KCNMA1: variants seen among roughly 807,000 people sequenced by gnomAD.
The protein encoded by KCNMA1 is potassium calcium-activated channel subfamily M alpha 1, also known as Calcium-activated potassium channel subunit alpha-1.
KCNMA1 carries 29 observed loss-of-function variants against 140.0 expected under a neutral mutation model. The observed-to-expected ratio is 0.21, with a 90% CI of 0.15 to 0.28. The LOEUF (loss-of-function observed/expected upper bound fraction) is 0.28, where lower values mean the gene tolerates loss of function less well. KCNMA1 is among the 10% of genes least tolerant of loss of function. The pLI is 1.00. For missense variants in KCNMA1, 880 were observed against 1,602.2 expected (o/e 0.55, Z 7.70); for synonymous variants, 612 against 611.9 (o/e 1.00, Z 0.00).
At chr10:77,208,658 A>G (rs897430391) in intron 3 of KCNMA1, among the ~76,000 whole-genome samples, 2 of 152,208 alleles carry the variant, frequency 1.3e-5, no homozygotes, top group Non-Finnish European at 2.9e-5. Flanking sequence ...GGGATTCCAT[A>G]GACAAACATA....
intron 18 of KCNMA1, among the ~76,000 whole-genome samples, chr10:77,003,629 T>A (rs773987790): frequency 4.6e-5 from 7 of 152,208 alleles, no homozygotes; most frequent in Non-Finnish European, 7.3e-5. Flanking sequence ...ACAATTTTTT[T>A]AATCAAATGC....
chr10:76,874,347 A>G (rs2031964884), downstream of KCNMA1: 1 of 152,220 alleles, frequency 6.6e-6, no homozygotes, highest in South Asian at 2.1e-4. Context: ...GCATGGGCTT[A>G]GCCAAGGAGA....
intron 2 of KCNMA1, among the ~76,000 whole-genome samples, chr10:77,283,885 A>G (rs1207512322): frequency 2.6e-5 from 4 of 152,210 alleles, no homozygotes; most frequent in African/African-American, 9.6e-5. Context: ...AGAGCTGCTC[A>G]CAAAAGATCA....
chr10:77,216,118 T>A (rs2047698448), intron 3 of KCNMA1, among the ~76,000 whole-genome samples: 1 of 152,166 alleles, frequency 6.6e-6, no homozygotes. Context: ...TTATATGAAA[T>A]GTCTAGAACA....
chr10:76,893,041 T>C (rs1314665289), intron 25 of KCNMA1, among the ~76,000 whole-genome samples: 1 of 152,180 alleles, frequency 6.6e-6, no homozygotes. Context: ...AAAGGATACT[T>C]AAAGTAGGAT....
At chr10:77,331,826 T>C (rs566913413) in intron 2 of KCNMA1, among the ~76,000 whole-genome samples, 2 of 151,858 alleles carry the variant, frequency 1.3e-5, no homozygotes, top group Non-Finnish European at 2.9e-5. Flanking sequence ...AATATATGTA[T>C]ATATATATAA....
At chr10:77,018,904 G>T in intron 17 of KCNMA1, 109 bp downstream of exon 17, 1 of 723,818 alleles carries the variant, frequency 1.4e-6, no homozygotes, top group Non-Finnish European at 2.6e-6. Flanking sequence ...CCAGTTGATG[G>T]CCATAGACAT....
chr10:77,121,192 T>G, intron 5 of KCNMA1, 144 bp from the exon 6 acceptor site: 2 of 675,520 alleles, frequency 3.0e-6, no homozygotes, highest in Non-Finnish European at 2.7e-6. Context: ...CTCAGACATA[T>G]TCCTTCATTC....
At chr10:77,481,328 G>T (rs2098392969) in intron 1 of KCNMA1, among the ~76,000 whole-genome samples, 1 of 152,032 alleles carries the variant, frequency 6.6e-6, no homozygotes, top group Non-Finnish European at 1.5e-5. Flanking sequence ...TTGATGGACT[G>T]GTCAGTTGAT....
intron 18 of KCNMA1, chr10:77,008,188 A>G (rs1219015147): frequency 1.3e-6 from 2 of 1,535,214 alleles, no homozygotes; most frequent in Non-Finnish European, 1.7e-6. Context: ...TACTCACAAT[A>G]TATCACTACC....
chr10:77,073,250 G>T lies in KCNMA1; in HGVS notation c.1596C>A (p.Ala532=). The T allele has an allele frequency of 6.2e-7, 1 of 1,614,084 alleles. No homozygotes were observed. The highest frequency in any genetic ancestry group is 8.5e-7 in the Non-Finnish European group (1 of 1,179,960). Residue 532 remains alanine, a splice_region_variant and synonymous_variant, in exon 14 of 28, where the codon GCC becomes GCA. Transcript: ENST00000286628. ...TCCAGCTCGGGATGTTTAGCAGATG[G>T]GCCTGGGGAAAGAAAAGCAGGTATG... The part of the protein sequence containing the change: ...ITQMLQYHNK[A]HLLNIPSWNW...
At chr10:77,103,278 G>A (rs2097136682) in intron 9 of KCNMA1, among the ~76,000 whole-genome samples, 1 of 152,220 alleles carries the variant, frequency 6.6e-6, no homozygotes, top group Non-Finnish European at 1.5e-5. Flanking sequence ...CCACATCCGA[G>A]GTTGAAGGCA....
chr10:77,537,417 C>T (rs1198540067), intron 1 of KCNMA1, among the ~76,000 whole-genome samples: 2 of 152,186 alleles, frequency 1.3e-5, no homozygotes, highest in Non-Finnish European at 2.9e-5. Flanking sequence ...TTGCCCCCAC[C>T]CAGGGCCCAC....
chr10:77,560,240 C>G (rs1175123912), intron 1 of KCNMA1, among the ~76,000 whole-genome samples: 1 of 152,134 alleles, frequency 6.6e-6, no homozygotes, highest in East Asian at 1.9e-4. Context: ...CAGCAGGTCA[C>G]AGAATCAACT....
intron 1 of KCNMA1, among the ~76,000 whole-genome samples, chr10:77,530,336 T>C (rs2057297415): frequency 6.6e-6 from 1 of 152,234 alleles, no homozygotes; most frequent in Non-Finnish European, 1.5e-5. Flanking sequence ...CTTGTGTGGC[T>C]TTGAGTAAGT....
intron 20 of KCNMA1, among the ~76,000 whole-genome samples, chr10:76,968,469 T>C (rs576266580): frequency 1.3e-5 from 2 of 152,340 alleles, no homozygotes; most frequent in South Asian, 4.1e-4. Flanking sequence ...AGGTTTCAGA[T>C]TTTTCAGACT....
At chr10:77,352,650 T>TTG (rs1353470255) in intron 2 of KCNMA1, among the ~76,000 whole-genome samples, 2 of 137,066 alleles carry the variant, frequency 1.5e-5, no homozygotes, top group Non-Finnish European at 1.7e-5. Context: ...GTGTGTGTGT[T>TTG]TGTGTGTGTG....
intron 2 of KCNMA1, among the ~76,000 whole-genome samples, chr10:77,292,618 T>A (rs1348527106): frequency 6.6e-6 from 1 of 152,176 alleles, no homozygotes; most frequent in Non-Finnish European, 1.5e-5. Flanking sequence ...TGATACCACC[T>A]CCTCTTTTTG....
In KCNMA1 at chr10:76,951,979, T is replaced by A. The variant is rs1399141742; in HGVS notation, c.2484+1822A>T. On this transcript the variant is annotated intron_variant, in intron 21 of 27. Transcript: ENST00000286628. ...AATGGTGTGTGGCACATAGTAGGCC[T>A]CCTGGAGATGTTTTGTTAAATGATG... 43 of 1,494,050 alleles carry A rather than the reference T, an allele frequency of 2.9e-5. No homozygotes were observed. In the South Asian group the frequency reaches 5.1e-4, roughly 18 times the overall value. 92.5% of individuals were successfully genotyped at this position (1,494,050 alleles called of 1,614,324 possible).
Sources: gnomAD v4.1 joint callset for allele counts (sites outside exome capture counted in the v4.1 genomes callset) on GRCh38, gnomAD v4.1.1 for gene constraint, MANE v1.5 for transcripts, NCBI Gene and HGNC (gene_info 2026-07-23, HGNC 2026-07-21) for gene names.